The following RAB6A variants were observed in gnomAD, a reference collection of about 807,000 sequenced individuals.
RAB6A encodes the protein RAB6A, member RAS oncogene family, also known as ras-related protein Rab-6A.
A neutral mutation model predicts 32.3 loss-of-function variants in RAB6A; 8 were observed. The observed-to-expected ratio is 0.25, with a 90% CI of 0.15 to 0.45. The LOEUF is 0.45. Ranked by LOEUF, RAB6A falls within the 20% of genes least tolerant of loss-of-function variation. RAB6A has a pLI of 1.00. For missense variants in RAB6A, 104 were observed against 249.4 expected, an observed-to-expected ratio of 0.42 and a Z score of 3.93; for synonymous variants, 73 against 82.1, an observed-to-expected ratio of 0.89 and a Z score of 0.60.
At chr11:73,735,397 G>T (rs374124073) in intron 1 of RAB6A, among the ~76,000 whole-genome samples, 2 of 152,170 alleles carry the variant, frequency 1.3e-5, no homozygotes, top group African/African-American at 4.8e-5. Flanking sequence ...ACTGAAAAAT[G>T]CTGGGGATAT....
intron 1 of RAB6A, among the ~76,000 whole-genome samples, chr11:73,731,495 G>C (rs1946300167): frequency 7.8e-6 from 1 of 128,716 alleles, no homozygotes; most frequent in African/African-American, 2.9e-5. Context: ...AGTGAGCCGA[G>C]ATCACACCAC....
At position 73,760,144 on chromosome 11, in the gene RAB6A, G is replaced by A. The variant is rs546985208; in HGVS notation, c.70+422C>T. The A allele has an allele frequency of 2.7e-5, 35 of 1,284,148 alleles. No homozygotes were observed. In the African/African-American group the frequency reaches 3.8e-4, roughly 14 times the overall value. 79.5% of individuals were successfully genotyped at this position (1,284,148 alleles called of 1,614,324 possible). On this transcript the variant is annotated intron_variant, in intron 1 of 7. Coordinates refer to ENST00000336083, the MANE Select transcript of RAB6A (RefSeq NM_198896.2). ...CCAAGGTTGAAGAGGGCCCGCTCTC[G>A]GGAGTGGGGCTTCCCTGAGTGGGCC... is the stretch of plus-strand genomic sequence containing the variant.
chr11:73,711,931 T>A, intron 5 of RAB6A, among the ~76,000 whole-genome samples: 1 of 152,218 alleles, frequency 6.6e-6, no homozygotes, highest in East Asian at 1.9e-4. Context: ...CATGAACCGT[T>A]CATATTTCTA....
chr11:73,750,793 T>C lies in RAB6A; in HGVS notation c.70+9773A>G, dbSNP rs571947476. On this transcript the variant is annotated intron_variant, in intron 1 of 7. Coordinates refer to ENST00000336083, the MANE Select transcript of RAB6A (RefSeq NM_198896.2). ...AATAATGCTACTATGAGTATGGGGGTAAATAAGTTGGTTTTAATTTTATAG... is the reference window on the plus strand; with the variant it reads ...AATAATGCTACTATGAGTATGGGGGCAAATAAGTTGGTTTTAATTTTATAG... Among the ~76,000 whole-genome samples the C allele has an allele frequency of 2.4e-4, 36 of 152,198 alleles. 1 individual carries two copies. The South Asian group carries it at 7.0e-3, about 30-fold the overall frequency.
intron 1 of RAB6A, among the ~76,000 whole-genome samples, chr11:73,753,359 G>A (rs1946696662): frequency 6.6e-6 from 1 of 152,032 alleles, no homozygotes; most frequent in African/African-American, 2.4e-5. Context: ...ATCATGCCCA[G>A]CTAATTTTTT....
intron 3 of RAB6A, 23 bp from the exon 4 acceptor site, chr11:73,718,741 A>C: frequency 6.2e-7 from 1 of 1,613,982 alleles, no homozygotes; most frequent in Non-Finnish European, 8.5e-7. Context: ...TCAGTCAAAC[A>C]AGCAAGAAAA....
rs58629008 is a variant in RAB6A at position 73,739,263 on chromosome 11, T to TAAAAA, written c.71-8445_71-8441dup. On this transcript the variant is annotated intron_variant, in intron 1 of 7. Coordinates refer to ENST00000336083, the MANE Select transcript of RAB6A (RefSeq NM_198896.2). ...GCAAAAAAAAAATAGTAATAATAAT[T>TAAAAA]AAAAAAAAAAAAAAAAAAAAAATAT... Among the ~76,000 whole-genome samples, 19 of 9,380 alleles carry TAAAAA rather than the reference T, an allele frequency of 2.0e-3. 1 individual carries two copies. Among genetic ancestry groups the TAAAAA allele is most frequent in the African/African-American group, 2.5e-3 (7 of 2,796 alleles). The allele number at this position is 9,380 out of a possible 152,430, so 6.2% of individuals were successfully genotyped here. A position where few individuals can be genotyped will look rare whatever the true frequency, so the allele number is the denominator to read the frequency against.
chr11:73,754,703 G>A (rs1946719186), intron 1 of RAB6A, among the ~76,000 whole-genome samples: 1 of 152,124 alleles, frequency 6.6e-6, no homozygotes, highest in Non-Finnish European at 1.5e-5. Context: ...CAGGTCACTT[G>A]AGGCCAGGAG....
chr11:73,760,203 A>G (rs1416054408), intron 1 of RAB6A: 3 of 960,042 alleles, frequency 3.1e-6, no homozygotes, highest in East Asian at 1.0e-4. Context: ...AAGAGCAAGG[A>G]ATAAGGGTGG....
chr11:73,676,306 GCAAA>G lies in RAB6A; in HGVS notation c.*1588_*1591del, dbSNP rs1349540143. 6.0e-6 allele frequency: 1 copy of G among 167,046 alleles called. No homozygotes were observed. The highest frequency in any genetic ancestry group is 1.9e-4 in the East Asian group (1 of 5,210). 10.3% of individuals were successfully genotyped at this position (167,046 alleles called of 1,614,324 possible). A position where few individuals can be genotyped will look rare whatever the true frequency, so the allele number is the denominator to read the frequency against. On this transcript the variant is annotated 3_prime_UTR_variant, in exon 8 of 8. Transcript: ENST00000336083. ...GCTGTAACTCAGAAGTTTTCGTCCTGCAAACAATGTATTTACAAATGTGTTTATT... is the reference window on the plus strand; with the variant it reads ...GCTGTAACTCAGAAGTTTTCGTCCTGCAATGTATTTACAAATGTGTTTATT...
At chr11:73,745,731 C>G (rs560615591) in intron 1 of RAB6A, among the ~76,000 whole-genome samples, 77 of 152,170 alleles carry the variant, frequency 5.1e-4, no homozygotes, top group African/African-American at 1.8e-3. Context: ...ACCAAGGAGG[C>G]TGAGGCAGGA....
At position 73,736,685 on chromosome 11, in the gene RAB6A, C is replaced by T. The variant is rs563625377; in HGVS notation, c.71-5862G>A. On this transcript the variant is annotated intron_variant, in intron 1 of 7. Coordinates refer to ENST00000336083, the MANE Select transcript of RAB6A (RefSeq NM_198896.2). Reference sequence around the variant, plus strand: ...CTCATGCCTGTAATCCCAGCTACTCCGGAGGCTGAGGCAGGACAATCACTT... The same window carrying T: ...CTCATGCCTGTAATCCCAGCTACTCTGGAGGCTGAGGCAGGACAATCACTT... Among the ~76,000 whole-genome samples the T allele has an allele frequency of 1.2e-3, 172 of 145,598 alleles. 2 individuals carry two copies. Among genetic ancestry groups the T allele is most frequent in the Non-Finnish European group, 1.5e-3 (102 of 66,132 alleles).
At chr11:73,725,554 G>A (rs1946203556) in intron 2 of RAB6A, among the ~76,000 whole-genome samples, 1 of 152,130 alleles carries the variant, frequency 6.6e-6, no homozygotes, top group African/African-American at 2.4e-5. Flanking sequence ...TTCTTACATG[G>A]AGGCAACAAC....
At position 73,736,592 on chromosome 11, in the gene RAB6A, G is replaced by A. The variant is rs185488661; in HGVS notation, c.71-5769C>T. 4.6e-5 allele frequency among the ~76,000 whole-genome samples: 7 copies of A among 151,976 alleles called. No homozygotes were observed. In the East Asian group the frequency reaches 1.4e-3, roughly 30 times the overall value. On this transcript the variant is annotated intron_variant, in intron 1 of 7. Coordinates refer to ENST00000336083, the MANE Select transcript of RAB6A (RefSeq NM_198896.2). The stretch of plus-strand genomic sequence containing the variant: ...AGATCACCTGAGGTCAGGAGTTTGA[G>A]ACCAGCCTGGCCAGCATGGTGAAAT...
At chr11:73,752,891 C>T (rs944209688) in intron 1 of RAB6A, among the ~76,000 whole-genome samples, 1 of 151,550 alleles carries the variant, frequency 6.6e-6, no homozygotes, top group Non-Finnish European at 1.5e-5. Context: ...TGAGAAAAAT[C>T]TTATGAGAAT....
chr11:73,754,393 A>AT (rs1946714338), intron 1 of RAB6A, among the ~76,000 whole-genome samples: 2 of 152,330 alleles, frequency 1.3e-5, no homozygotes, highest in African/African-American at 4.8e-5. Context: ...AACCATTTTC[A>AT]TAAGATTAAG....
At chr11:73,760,085 G>A (rs1324539002) in intron 1 of RAB6A, 1 of 1,290,442 alleles carries the variant, frequency 7.7e-7, no homozygotes, top group Non-Finnish European at 1.0e-6. Context: ...CCAAGCCTCT[G>A]GGGAAAACAA....
At chr11:73,741,859 G>C (rs1235847815) in intron 1 of RAB6A, among the ~76,000 whole-genome samples, 1 of 152,086 alleles carries the variant, frequency 6.6e-6, no homozygotes, top group Non-Finnish European at 1.5e-5. Context: ...TAATTTTTTA[G>C]ATCAGTTTTA....
intron 1 of RAB6A, among the ~76,000 whole-genome samples, chr11:73,739,292 T>C (rs1406889580): frequency 1.7e-5 from 1 of 58,654 alleles, no homozygotes; most frequent in African/African-American, 5.6e-5. Context: ...AAAATATATA[T>C]ATATATATAT....
Sources: allele counts gnomAD v4.1 joint callset (sites outside exome capture counted in the v4.1 genomes callset), GRCh38; gene constraint gnomAD v4.1.1; transcripts MANE v1.5; gene names NCBI Gene and HGNC (gene_info 2026-07-23, HGNC 2026-07-21).